BCR: variants seen among roughly 807,000 people sequenced by gnomAD.
The protein encoded by BCR is breakpoint cluster region protein.
In BCR, 58 loss-of-function variants were observed where a neutral mutation model predicts 138.6. That is an observed-to-expected ratio of 0.42 (90% CI 0.34 to 0.52). BCR has a LOEUF of 0.52. BCR is among the 20% of genes least tolerant of loss of function. BCR has a pLI of 0.06. For synonymous variants in BCR, 786 were observed against 730.1 expected, an observed-to-expected ratio of 1.08 and a Z score of -1.23; for missense variants, 1,599 against 1,727.2, an observed-to-expected ratio of 0.93 and a Z score of 1.32.
intron 1 of BCR, among the ~76,000 whole-genome samples, chr22:23,247,020 A>C (rs1034025125): frequency 2.0e-5 from 3 of 152,094 alleles, no homozygotes; most frequent in Non-Finnish European, 4.4e-5. Flanking sequence ...TGCACCCTTC[A>C]TGAGACCCGA....
chr22:23,242,980 C>T (rs1246522320), intron 1 of BCR: 1 of 441,044 alleles, frequency 2.3e-6, no homozygotes, highest in Non-Finnish European at 4.6e-6. Flanking sequence ...CTTCAAATGG[C>T]CTCCTGTATG....
rs769785214 is a variant in BCR at position 23,181,177 on chromosome 22, C to G, written c.217C>G (p.Gln73Glu). The G allele has an allele frequency of 7.3e-7, 1 of 1,372,224 alleles. No individual in the cohort carries two copies. The highest frequency in any genetic ancestry group is 1.5e-5 in the African/African-American group (1 of 67,356). 85.0% of individuals were successfully genotyped at this position (1,372,224 alleles called of 1,614,324 possible). The change falls in exon 1 of 23, where the codon CAG (glutamine) becomes GAG (glutamate). Residue 73 changes from glutamine (Q) to glutamate (E), a missense_variant. This residue lies in a region of BCR where 806 missense variants were observed against 635.0 expected (regional missense o/e 1.27). Coordinates refer to ENST00000305877, the MANE Select transcript of BCR (RefSeq NM_004327.4). ...CAAGGAAAAGAAGAGCTATGACCGGCAGCGATGGGGCTTCCGGCGCGCGGC... is the reference window on the plus strand; with the variant it reads ...CAAGGAAAAGAAGAGCTATGACCGGGAGCGATGGGGCTTCCGGCGCGCGGC... ...LAKEKKSYDRQRWGFRRAAQA... is the reference protein window; with the variant it reads ...LAKEKKSYDRERWGFRRAAQA...
chr22:23,184,399 G>C (rs985702592), intron 1 of BCR, among the ~76,000 whole-genome samples: 2 of 152,036 alleles, frequency 1.3e-5, no homozygotes. Flanking sequence ...CCTCTTAGAC[G>C]TTTTTAGTAA....
chr22:23,295,891 C>T (rs976604272), intron 16 of BCR, among the ~76,000 whole-genome samples: 1 of 152,074 alleles, frequency 6.6e-6, no homozygotes, highest in Admixed American at 6.5e-5. Context: ...AAGCCCTGAT[C>T]GTGCTTTCCT....
intron 2 of BCR, chr22:23,260,728 G>C (rs1412627894): frequency 3.8e-6 from 2 of 530,016 alleles, no homozygotes; most frequent in African/African-American, 3.8e-5. Context: ...GGTGGCCCTG[G>C]TGTTGCCAGA....
At chr22:23,237,955 C>T (rs1911788455) in intron 1 of BCR, among the ~76,000 whole-genome samples, 3 of 152,204 alleles carry the variant, frequency 2.0e-5, no homozygotes, top group Admixed American at 6.5e-5. Context: ...GGTGGGAGTG[C>T]GTGAACAGGT....
At chr22:23,273,008 G>C in intron 6 of BCR, 73 bp from the exon 7 acceptor site, 2 of 1,538,042 alleles carry the variant, frequency 1.3e-6, no homozygotes, top group South Asian at 2.2e-5. Context: ...ACTCACCCTT[G>C]CACCGAGGGT....
chr22:23,278,732 T>C (rs1012834683), intron 8 of BCR, among the ~76,000 whole-genome samples: 2 of 151,670 alleles, frequency 1.3e-5, no homozygotes, highest in African/African-American at 4.8e-5. Context: ...AAATTCCGTC[T>C]CAAAAAAAAA....
At chr22:23,202,814 T>A (rs2072571806) in intron 1 of BCR, among the ~76,000 whole-genome samples, 1 of 151,896 alleles carries the variant, frequency 6.6e-6, no homozygotes, top group Non-Finnish European at 1.5e-5. Context: ...CATTTTTAAA[T>A]GTACAGTTCA....
At chr22:23,200,671 A>G (rs2072542781) in intron 1 of BCR, among the ~76,000 whole-genome samples, 1 of 151,916 alleles carries the variant, frequency 6.6e-6, no homozygotes, top group Non-Finnish European at 1.5e-5. Flanking sequence ...CGATTCTCCC[A>G]CCTCAGCCTT....
intron 4 of BCR, among the ~76,000 whole-genome samples, chr22:23,267,313 A>G (rs5759669): frequency 0.36 from 55,332 of 151,758 alleles, 11,083 homozygotes; most frequent in African/African-American, 0.53. Flanking sequence ...GGACTCCTCC[A>G]GGTGGTCAGC....
In BCR at chr22:23,181,453, C is replaced by T; in HGVS notation, c.493C>T (p.His165Tyr). The T allele has an allele frequency of 1.2e-6, 2 of 1,606,546 alleles. No individual in the cohort carries two copies. Among genetic ancestry groups the T allele is most frequent in the Non-Finnish European group, 1.7e-6 (2 of 1,175,576 alleles). Residue 165 changes from histidine to tyrosine, a missense_variant, in exon 1 of 23, where the codon CAT (histidine) becomes TAT (tyrosine). Physicochemically the swap from His to Tyr is moderately conservative, Grantham distance 83 (BLOSUM62 2). Transcript: ENST00000305877. Reference protein sequence around the residue: ...RSNFERIRKGHGQPGADAEKP... With the variant: ...RSNFERIRKGYGQPGADAEKP... Reference sequence around the variant, plus strand: ...CAACTTCGAGCGGATCCGCAAGGGCCATGGCCAGCCCGGGGCGGACGCCGA... The same window carrying T: ...CAACTTCGAGCGGATCCGCAAGGGCTATGGCCAGCCCGGGGCGGACGCCGA...
At chr22:23,277,100 T>G (rs1348598652) in intron 8 of BCR, among the ~76,000 whole-genome samples, 1 of 152,252 alleles carries the variant, frequency 6.6e-6, no homozygotes. Flanking sequence ...TACTTCCTCT[T>G]AGAATTTGCA....
intron 1 of BCR, among the ~76,000 whole-genome samples, chr22:23,186,924 C>A (rs1295100205): frequency 1.3e-5 from 2 of 152,164 alleles, no homozygotes; most frequent in African/African-American, 4.8e-5. Context: ...TCAGTAGAGA[C>A]GGGGTTTCGC....
chr22:23,232,763 C>G (rs147544421), intron 1 of BCR, among the ~76,000 whole-genome samples: 15 of 152,194 alleles, frequency 9.9e-5, no homozygotes, highest in African/African-American at 3.6e-4. Flanking sequence ...GGAATGAATG[C>G]TGCCGTGTCG....
chr22:23,293,040 C>A (rs2073806526), intron 15 of BCR, among the ~76,000 whole-genome samples: 1 of 151,834 alleles, frequency 6.6e-6, no homozygotes, highest in Non-Finnish European at 1.5e-5. Flanking sequence ...GGGACAGGGA[C>A]TGTAGGGTCC....
rs1294446307 is a variant in BCR, at chr22:23,316,216, G to A, written c.*694G>A. The A allele has an allele frequency of 6.0e-6, 1 of 167,330 alleles. No individual in the cohort carries two copies. Among genetic ancestry groups the A allele is most frequent in the Non-Finnish European group, 1.1e-5 (1 of 91,176 alleles). The allele number at this position is 167,330 out of a possible 1,614,324, so 10.4% of individuals were successfully genotyped here. ...CAGGACCCCCAGGGAGGGAACCCCAGGCTACGCACTTTAGGGTTCGTTCTC... is the reference window on the plus strand; with the variant it reads ...CAGGACCCCCAGGGAGGGAACCCCAAGCTACGCACTTTAGGGTTCGTTCTC... On this transcript the variant is annotated 3_prime_UTR_variant, in exon 23 of 23. Coordinates refer to ENST00000305877, the MANE Select transcript of BCR (RefSeq NM_004327.4).
intron 1 of BCR, among the ~76,000 whole-genome samples, chr22:23,240,750 C>T (rs139168728): frequency 6.6e-6 from 1 of 152,252 alleles, no homozygotes; most frequent in East Asian, 1.9e-4. Context: ...AGTACATCCA[C>T]ATTATCATAC....
chr22:23,252,118 G>A (rs185439761), intron 1 of BCR, among the ~76,000 whole-genome samples: 2 of 152,324 alleles, frequency 1.3e-5, no homozygotes, highest in Admixed American at 6.5e-5. Context: ...GTCCTCCTGC[G>A]GGTACTCACA....
Sources: allele counts gnomAD v4.1 joint callset (sites outside exome capture counted in the v4.1 genomes callset), GRCh38; gene constraint gnomAD v4.1.1; regional missense constraint gnomAD v4.1.1; transcripts MANE v1.5; gene names NCBI Gene and HGNC (gene_info 2026-07-23, HGNC 2026-07-21).